Variants in CTTNBP2 observed in about 807,000 individuals in gnomAD.
The protein encoded by CTTNBP2 is cortactin-binding protein 2.
In CTTNBP2, 108 loss-of-function variants were observed where a neutral mutation model predicts 156.9. The observed-to-expected ratio is 0.69, with a 90% CI of 0.59 to 0.81. The LOEUF (loss-of-function observed/expected upper bound fraction) is 0.81, where lower values mean the gene tolerates loss of function less well. Ranked by LOEUF, CTTNBP2 falls within the 30% of genes least tolerant of loss-of-function variation. The pLI, the probability that CTTNBP2 is intolerant of heterozygous loss-of-function variation, is 0.00. For missense variants in CTTNBP2, 1,924 were observed against 2,035.4 expected (o/e 0.95, Z 1.05); for synonymous variants, 767 against 751.8 (o/e 1.02, Z -0.33).
chr7:117,837,359 T>C (rs1802019095), intron 2 of CTTNBP2, among the ~76,000 whole-genome samples: 1 of 152,200 alleles, frequency 6.6e-6, no homozygotes, highest in African/African-American at 2.4e-5. Context: ...CCACTAATTT[T>C]GACAGCATTC....
At chr7:117,857,834 T>C (rs992700790) in intron 2 of CTTNBP2, among the ~76,000 whole-genome samples, 2 of 152,188 alleles carry the variant, frequency 1.3e-5, no homozygotes, top group Non-Finnish European at 2.9e-5. Context: ...ACAGCCTCTC[T>C]CCTTCCCAAT....
chr7:117,780,315 C>G, intron 7 of CTTNBP2, 126 bp downstream of exon 7: 1 of 617,716 alleles, frequency 1.6e-6, no homozygotes, highest in Non-Finnish European at 2.6e-6. Flanking sequence ...AGACACTTTC[C>G]AAATCCTACA....
intron 8 of CTTNBP2, among the ~76,000 whole-genome samples, chr7:117,768,171 A>G (rs973263173): frequency 6.6e-6 from 1 of 152,054 alleles, no homozygotes; most frequent in Non-Finnish European, 1.5e-5. Flanking sequence ...AAACCAGGTC[A>G]TCTTGTATAG....
At chr7:117,858,324 C>T (rs533094101) in intron 2 of CTTNBP2, among the ~76,000 whole-genome samples, 1 of 152,082 alleles carries the variant, frequency 6.6e-6, no homozygotes, top group Non-Finnish European at 1.5e-5. Flanking sequence ...GAGCCGAGAT[C>T]GCACCACTGC....
Position 117,800,529 on chromosome 7 carries a change from A to G in CTTNBP2, c.415-7748T>C, listed in dbSNP as rs145598700. On this transcript the variant is annotated intron_variant, in intron 3 of 22. Coordinates refer to ENST00000160373, the MANE Select transcript of CTTNBP2 (RefSeq NM_033427.3). ...TAAACTTTTCCTTAAGAATCTGTAAACTAATTTTGAATTCCAGGTTTTCAT... is the reference window on the plus strand; with the variant it reads ...TAAACTTTTCCTTAAGAATCTGTAAGCTAATTTTGAATTCCAGGTTTTCAT... Among the ~76,000 whole-genome samples, 81 of 152,220 alleles carry G rather than the reference A, an allele frequency of 5.3e-4. No homozygotes were observed. The East Asian group carries it at 0.015, about 28-fold the overall frequency.
At chr7:117,814,984 T>C (rs536913582) in intron 2 of CTTNBP2, among the ~76,000 whole-genome samples, 2 of 152,346 alleles carry the variant, frequency 1.3e-5, no homozygotes, top group South Asian at 4.1e-4. Context: ...CCTAAAAGCA[T>C]GAAAACCAGG....
intron 3 of CTTNBP2, among the ~76,000 whole-genome samples, chr7:117,794,385 G>T (rs1343205904): frequency 6.6e-6 from 1 of 152,122 alleles, no homozygotes; most frequent in East Asian, 1.9e-4. Context: ...GGTTCCTAAA[G>T]GTTAAAGTAC....
intron 22 of CTTNBP2, chr7:117,713,961 TGCAAGAAGCTAGCTTAGAAAG>T (rs1794198661): frequency 6.6e-6 from 1 of 152,170 alleles, no homozygotes. Context: ...AAGTCTAGAC[TGCAAGAAGCTAGCTTAGAAAG>T]GCAAGAGCTT....
rs1168338441 is a variant in CTTNBP2 at position 117,746,022 on chromosome 7, G to A, written c.3426C>T (p.Leu1142=). 1 of 1,613,734 alleles carries A rather than the reference G, an allele frequency of 6.2e-7. No homozygotes were observed. The highest frequency in any genetic ancestry group is 8.5e-7 in the Non-Finnish European group (1 of 1,179,720). Residue 1142 remains leucine (L), a synonymous_variant, in exon 13 of 23, where the codon CTC becomes CTT. Transcript: ENST00000160373. ...TACAAGTAATCAATACCTTCAGGCA[G>A]AGTGCAAGCTGATGTACTATGTAGT... ...LQDYIVHQLA[L]CLKHRQMAAG... is the part of the protein sequence containing the mutation.
At chr7:117,774,786 A>T (rs983545483) in intron 8 of CTTNBP2, among the ~76,000 whole-genome samples, 1 of 152,184 alleles carries the variant, frequency 6.6e-6, no homozygotes, top group Non-Finnish European at 1.5e-5. Context: ...GGTAGCAACG[A>T]TACTACTACC....
At chr7:117,842,926 T>G (rs1430064103) in intron 2 of CTTNBP2, among the ~76,000 whole-genome samples, 1 of 152,172 alleles carries the variant, frequency 6.6e-6, no homozygotes, top group East Asian at 1.9e-4. Context: ...GCTTACATTC[T>G]AGTAGGAAAA....
At chr7:117,796,791 T>C (rs866860012) in intron 3 of CTTNBP2, among the ~76,000 whole-genome samples, 1 of 152,184 alleles carries the variant, frequency 6.6e-6, no homozygotes, top group Non-Finnish European at 1.5e-5. Context: ...ATATTAAACA[T>C]GTAGATGAAT....
chr7:117,715,495 A>C (rs1475098078), intron 22 of CTTNBP2, among the ~76,000 whole-genome samples: 2 of 151,264 alleles, frequency 1.3e-5, no homozygotes, highest in African/African-American at 2.4e-5. Context: ...AAAAAAAAAG[A>C]AGCCTCAAGT....
chr7:117,848,628 C>T (rs1428312388), intron 2 of CTTNBP2, among the ~76,000 whole-genome samples: 2 of 152,200 alleles, frequency 1.3e-5, no homozygotes, highest in Non-Finnish European at 1.5e-5. Flanking sequence ...ACTCAAGCTG[C>T]TCCTATTTTA....
intron 17 of CTTNBP2, among the ~76,000 whole-genome samples, chr7:117,727,246 C>T (rs780828124): frequency 6.6e-5 from 10 of 152,112 alleles, no homozygotes; most frequent in Non-Finnish European, 1.0e-4. Flanking sequence ...GGCTGGAGTT[C>T]GGTGGCTTAA....
intron 2 of CTTNBP2, among the ~76,000 whole-genome samples, chr7:117,856,685 T>C (rs535425620): frequency 3.9e-4 from 59 of 152,300 alleles, no homozygotes; most frequent in African/African-American, 1.3e-3. Flanking sequence ...ATCTCATTTA[T>C]CCAATCTAAA....
Position 117,791,308 on chromosome 7 carries a change from C to T in CTTNBP2, c.1888G>A (p.Ala630Thr), listed in dbSNP as rs771146812. Residue 630 changes from alanine to threonine, a missense_variant, in exon 4 of 23, where the codon GCC becomes ACC. Coordinates refer to ENST00000160373, the MANE Select transcript of CTTNBP2 (RefSeq NM_033427.3). Reference sequence around the variant, plus strand: ...GCACCCACCTGAGACGTGGCCAGGGCTGAAACGGCACAGCCTGCAGGTGCC... The same window carrying T: ...GCACCCACCTGAGACGTGGCCAGGGTTGAAACGGCACAGCCTGCAGGTGCC... ...TVAPAGCAVSALATSQVGAWP... is the reference protein window; with the variant it reads ...TVAPAGCAVSTLATSQVGAWP... The T allele has an allele frequency of 6.2e-7, 1 of 1,614,026 alleles. No homozygotes were observed. Among genetic ancestry groups the T allele is most frequent in the Non-Finnish European group, 8.5e-7 (1 of 1,180,036 alleles).
intron 1 of CTTNBP2, among the ~76,000 whole-genome samples, chr7:117,864,466 AT>A (rs1346343968): frequency 1.3e-5 from 2 of 151,810 alleles, no homozygotes; most frequent in Non-Finnish European, 2.9e-5. Flanking sequence ...AACAACTTTT[AT>A]TTCCAATTCT....
At chr7:117,801,230 T>C (rs1386713759) in intron 3 of CTTNBP2, among the ~76,000 whole-genome samples, 2 of 152,174 alleles carry the variant, frequency 1.3e-5, no homozygotes, top group Admixed American at 6.5e-5. Flanking sequence ...ATGAATAAGA[T>C]ATTTAAAGAA....
Sources: allele counts gnomAD v4.1 joint callset (sites outside exome capture counted in the v4.1 genomes callset), GRCh38; gene constraint gnomAD v4.1.1; transcripts MANE v1.5; gene names NCBI Gene and HGNC (gene_info 2026-07-23, HGNC 2026-07-21).